CLNK: variants seen among roughly 807,000 people sequenced by gnomAD.
CLNK encodes the protein cytokine-dependent hematopoietic cell linker.
In CLNK, 74 loss-of-function variants were observed where a neutral mutation model predicts 68.6. The observed-to-expected ratio is 1.08, with a 90% CI of 0.89 to 1.31. The LOEUF (loss-of-function observed/expected upper bound fraction) is 1.31, where lower values mean the gene tolerates loss of function less well. CLNK is among the 50% of genes most tolerant of loss of function. The probability of loss-of-function intolerance (pLI) is 0.00; values close to 1 mark genes in which losing one functional copy is unlikely to be tolerated. For synonymous variants in CLNK, 198 were observed against 172.2 expected, an observed-to-expected ratio of 1.15 and a Z score of -1.17; for missense variants, 553 against 515.3, an observed-to-expected ratio of 1.07 and a Z score of -0.71.
At chr4:10,698,950 A>T in the CLNK span, among the ~76,000 whole-genome samples, 1 of 151,862 alleles carries the variant, frequency 6.6e-6, no homozygotes, top group Non-Finnish European at 1.5e-5. Context: ...TTGAGTGGGG[A>T]CATTGGTCTT....
intron 17 of CLNK, among the ~76,000 whole-genome samples, chr4:10,507,101 G>A (rs1056149294): frequency 9.9e-5 from 15 of 150,840 alleles, no homozygotes; most frequent in Non-Finnish European, 1.2e-4. Flanking sequence ...CACCGCGTCC[G>A]GCTGAAACTC....
At chr4:10,612,443 A>G (rs1179479200) in intron 2 of CLNK, among the ~76,000 whole-genome samples, 1 of 152,196 alleles carries the variant, frequency 6.6e-6, no homozygotes, top group African/African-American at 2.4e-5. Flanking sequence ...TGTTGACAAC[A>G]TTTCAGGTTA....
chr4:10,670,774 A>T (rs982190856), intron 1 of CLNK, among the ~76,000 whole-genome samples: 1 of 152,214 alleles, frequency 6.6e-6, no homozygotes, highest in Non-Finnish European at 1.5e-5. Flanking sequence ...AGAGTATGTC[A>T]TTACATTTCT....
At chr4:10,668,292 G>A (rs886514438) in intron 1 of CLNK, among the ~76,000 whole-genome samples, 1 of 152,294 alleles carries the variant, frequency 6.6e-6, no homozygotes, top group African/African-American at 2.4e-5. Flanking sequence ...ATTTCCAAAT[G>A]TGGCTTTACC....
rs114534077 is a variant in CLNK at position 10,540,195 on chromosome 4, C to T, written c.602+299G>A. On this transcript the variant is annotated intron_variant, in intron 11 of 18. Coordinates refer to ENST00000226951, the MANE Select transcript of CLNK (RefSeq NM_052964.4). ...AGATCTGATGGTTTTATACAGGGCT[C>T]TTCGCCATTTGCTTTGGACACAGGT... Among the ~76,000 whole-genome samples, 1,154 of 152,250 alleles carry T rather than the reference C, an allele frequency of 7.6e-3. 10 individuals are homozygous for T. The highest frequency in any genetic ancestry group is 0.041 in the Middle Eastern group (12 of 294).
At chr4:10,521,729 G>C (rs1718074801) in intron 14 of CLNK, among the ~76,000 whole-genome samples, 1 of 152,148 alleles carries the variant, frequency 6.6e-6, no homozygotes, top group Non-Finnish European at 1.5e-5. Context: ...CCGCCAGTCA[G>C]ACTGCTACTG....
At chr4:10,538,564 T>C (rs534560115) in intron 11 of CLNK, among the ~76,000 whole-genome samples, 3 of 152,234 alleles carry the variant, frequency 2.0e-5, no homozygotes, top group Admixed American at 2.0e-4. Flanking sequence ...CACAGCTTCA[T>C]GGGTTGGATG....
chr4:10,636,473 CT>C (rs1322853583), intron 2 of CLNK, among the ~76,000 whole-genome samples: 4 of 152,208 alleles, frequency 2.6e-5, no homozygotes, highest in African/African-American at 9.6e-5. Context: ...TGATTTCAGA[CT>C]TTGGCCTCCT....
At chr4:10,591,323 C>T (rs1340498960) in intron 3 of CLNK, among the ~76,000 whole-genome samples, 2 of 152,202 alleles carry the variant, frequency 1.3e-5, no homozygotes, top group Admixed American at 1.3e-4. Context: ...CACCAATGCC[C>T]TCTTCTCCTT....
the CLNK span, among the ~76,000 whole-genome samples, chr4:10,722,800 A>G: frequency 2.6e-5 from 4 of 152,184 alleles, no homozygotes; most frequent in Admixed American, 6.5e-5. Flanking sequence ...CTGTTATTCC[A>G]GCACTTTGGG....
At chr4:10,667,042 G>A (rs980693882) in intron 2 of CLNK, among the ~76,000 whole-genome samples, 3 of 152,150 alleles carry the variant, frequency 2.0e-5, no homozygotes, top group Non-Finnish European at 2.9e-5. Context: ...TCCTCCCTGA[G>A]TCAGATTCTG....
intron 12 of CLNK, 67 bp downstream of exon 12, chr4:10,532,189 G>A (rs896682071): frequency 9.8e-6 from 11 of 1,125,174 alleles, no homozygotes; most frequent in African/African-American, 4.6e-5. Flanking sequence ...ATAGAATCTT[G>A]CCTATTGCAG....
At chr4:10,594,370 C>T (rs1021086529) in intron 3 of CLNK, among the ~76,000 whole-genome samples, 1 of 152,222 alleles carries the variant, frequency 6.6e-6, no homozygotes, top group Non-Finnish European at 1.5e-5. Flanking sequence ...AGGGGCCTCT[C>T]CCTCCACTTG....
chr4:10,697,459 C>T, the CLNK span: 1 of 152,212 alleles, frequency 6.6e-6, no homozygotes. Context: ...AGTCCATCAT[C>T]TCCCTTGGTG....
chr4:10,564,988 C>G (rs773636482), intron 6 of CLNK, among the ~76,000 whole-genome samples: 4 of 152,096 alleles, frequency 2.6e-5, no homozygotes, highest in Admixed American at 6.6e-5. Flanking sequence ...AAAGTTTGAA[C>G]CTGAATATTC....
the CLNK span, among the ~76,000 whole-genome samples, chr4:10,732,353 G>C: frequency 6.6e-6 from 1 of 152,178 alleles, no homozygotes; most frequent in Non-Finnish European, 1.5e-5. Flanking sequence ...CCCTGCAAAG[G>C]CCCTGTGGTG....
chr4:10,663,398 A>G (rs1264902669), intron 2 of CLNK, among the ~76,000 whole-genome samples: 1 of 152,198 alleles, frequency 6.6e-6, no homozygotes, highest in Non-Finnish European at 1.5e-5. Flanking sequence ...TGTAATACGG[A>G]AATAATTCTC....
chr4:10,584,130 G>A (rs1325188721), intron 4 of CLNK, among the ~76,000 whole-genome samples: 3 of 152,218 alleles, frequency 2.0e-5, no homozygotes, highest in African/African-American at 7.2e-5. Context: ...AAGGCTGGGT[G>A]CTCTCTCCCT....
At chr4:10,573,254 G>A (rs1225369278) in intron 4 of CLNK, among the ~76,000 whole-genome samples, 1 of 152,174 alleles carries the variant, frequency 6.6e-6, no homozygotes, top group African/African-American at 2.4e-5. Context: ...ACAAATTAAT[G>A]CAAATTTGGC....
Sources: gnomAD v4.1 joint callset for allele counts (sites outside exome capture counted in the v4.1 genomes callset) on GRCh38, gnomAD v4.1.1 for gene constraint, MANE v1.5 for transcripts, NCBI Gene and HGNC (gene_info 2026-07-23, HGNC 2026-07-21) for gene names.